Variants in DOCK3 observed in about 807,000 individuals in gnomAD.
The protein encoded by DOCK3 is dedicator of cytokinesis 3, also known as dedicator of cytokinesis protein 3.
DOCK3 carries 60 observed loss-of-function variants against 265.6 expected under a neutral mutation model. The ratio of observed to expected loss-of-function variants is 0.23; its 90% CI spans 0.18 to 0.28. DOCK3 has a LOEUF of 0.28. DOCK3 is among the 10% of genes least tolerant of loss of function. The pLI, the probability that DOCK3 is intolerant of heterozygous loss-of-function variation, is 1.00. For synonymous variants in DOCK3, 881 were observed against 938.0 expected, an observed-to-expected ratio of 0.94 and a Z score of 1.11; for missense variants, 1,981 against 2,594.3, an observed-to-expected ratio of 0.76 and a Z score of 5.14.
chr3:50,782,624 C>A (rs1273837940), intron 2 of DOCK3, among the ~76,000 whole-genome samples: 1 of 148,092 alleles, frequency 6.8e-6, no homozygotes, highest in Non-Finnish European at 1.5e-5. Flanking sequence ...AAAAAAAATT[C>A]TTTTCAAAAT....
chr3:51,379,983 G>A, intron 51 of DOCK3, 142 bp from the exon 52 acceptor site: 3 of 636,714 alleles, frequency 4.7e-6, no homozygotes, highest in South Asian at 2.5e-5. Context: ...CCAGTGTAAA[G>A]AGAGGTTTAT....
At chr3:50,708,144 G>A (rs1462231134) in intron 1 of DOCK3, among the ~76,000 whole-genome samples, 1 of 152,174 alleles carries the variant, frequency 6.6e-6, no homozygotes, top group African/African-American at 2.4e-5. Flanking sequence ...CATGCAGGTG[G>A]TGGTGGGCTA....
chr3:51,011,212 T>G (rs1241079871), intron 5 of DOCK3, among the ~76,000 whole-genome samples: 1 of 152,196 alleles, frequency 6.6e-6, no homozygotes, highest in Non-Finnish European at 1.5e-5. Context: ...TCCTGCAGAG[T>G]GTTTTCCAAC....
intron 4 of DOCK3, among the ~76,000 whole-genome samples, chr3:50,898,799 G>C (rs2049028633): frequency 6.6e-6 from 1 of 152,138 alleles, no homozygotes; most frequent in African/African-American, 2.4e-5. Context: ...TTGATTATGA[G>C]TTTCTCAATC....
intron 9 of DOCK3, among the ~76,000 whole-genome samples, chr3:51,113,541 C>T (rs1453324386): frequency 6.6e-6 from 1 of 152,192 alleles, no homozygotes; most frequent in Non-Finnish European, 1.5e-5. Context: ...TCCACCCTGA[C>T]TCCAGAGCTG....
At chr3:50,874,381 T>C (rs893983158) in intron 3 of DOCK3, among the ~76,000 whole-genome samples, 2 of 151,916 alleles carry the variant, frequency 1.3e-5, no homozygotes, top group South Asian at 2.1e-4. Context: ...GTGGGTGTAT[T>C]TGTAGTCCCA....
chr3:51,176,027 C>G (rs2086928707), intron 12 of DOCK3, among the ~76,000 whole-genome samples: 1 of 152,182 alleles, frequency 6.6e-6, no homozygotes, highest in African/African-American at 2.4e-5. Context: ...TAGAACTGCT[C>G]TATTTTGACT....
chr3:51,054,339 A>G (rs1001943968), intron 5 of DOCK3, among the ~76,000 whole-genome samples: 1 of 152,070 alleles, frequency 6.6e-6, no homozygotes, highest in Non-Finnish European at 1.5e-5. Context: ...TCTTGTCCCA[A>G]TGCCCTTCTA....
chr3:51,151,381 G>C (rs565435174), intron 10 of DOCK3, among the ~76,000 whole-genome samples: 2 of 152,204 alleles, frequency 1.3e-5, no homozygotes, highest in Admixed American at 1.3e-4. Context: ...CAAACAGAAA[G>C]GAAGAGCATC....
intron 3 of DOCK3, among the ~76,000 whole-genome samples, chr3:50,889,198 G>A (rs2048517055): frequency 6.6e-6 from 1 of 151,496 alleles, no homozygotes; most frequent in East Asian, 1.9e-4. Context: ...CTGGGCTCAA[G>A]TCATCCTCCC....
intron 10 of DOCK3, among the ~76,000 whole-genome samples, chr3:51,151,849 T>C (rs2085615745): frequency 6.6e-6 from 1 of 152,238 alleles, no homozygotes; most frequent in Non-Finnish European, 1.5e-5. Flanking sequence ...TTATAGAGTT[T>C]CTGCCAATAG....
intron 5 of DOCK3, among the ~76,000 whole-genome samples, chr3:51,023,450 C>T (rs528171385): frequency 1.3e-5 from 2 of 152,272 alleles, no homozygotes; most frequent in African/African-American, 2.4e-5. Flanking sequence ...CAGAGTCTCG[C>T]TCTGTTGTGC....
intron 40 of DOCK3, among the ~76,000 whole-genome samples, chr3:51,354,123 A>G (rs1019595181): frequency 1.3e-5 from 2 of 152,222 alleles, no homozygotes; most frequent in African/African-American, 2.4e-5. Flanking sequence ...TACTAATGCA[A>G]TAAACAGTTA....
At chr3:50,900,795 T>C (rs2107809211) in intron 4 of DOCK3, 1 of 427,560 alleles carries the variant, frequency 2.3e-6, no homozygotes, top group South Asian at 1.7e-5. Flanking sequence ...CCTGTTTGCC[T>C]GGGTATCACC....
At chr3:51,186,852 C>A (rs964803181) in intron 12 of DOCK3, among the ~76,000 whole-genome samples, 16 of 152,238 alleles carry the variant, frequency 1.1e-4, no homozygotes, top group Admixed American at 9.2e-4. Context: ...TTGGGAACCT[C>A]CACCTGGATT....
intron 12 of DOCK3, among the ~76,000 whole-genome samples, chr3:51,171,387 A>C (rs1414102739): frequency 6.6e-6 from 1 of 152,062 alleles, no homozygotes; most frequent in Non-Finnish European, 1.5e-5. Flanking sequence ...GGTCAGAAAA[A>C]ATAGTTGAGA....
chr3:50,804,192 A>G (rs2043257039), intron 2 of DOCK3, among the ~76,000 whole-genome samples: 1 of 147,780 alleles, frequency 6.8e-6, no homozygotes, highest in African/African-American at 2.5e-5. Context: ...GCGGCCGGGC[A>G]GAGACGCTCC....
chr3:51,316,198 C>G (rs1255414407), intron 32 of DOCK3, among the ~76,000 whole-genome samples: 2 of 152,188 alleles, frequency 1.3e-5, no homozygotes, highest in African/African-American at 4.8e-5. Flanking sequence ...CTCTTCATCA[C>G]TATAGTTGTG....
At chr3:51,214,885 G>C (rs147897528) in intron 14 of DOCK3, among the ~76,000 whole-genome samples, 1 of 152,102 alleles carries the variant, frequency 6.6e-6, no homozygotes, top group Non-Finnish European at 1.5e-5. Flanking sequence ...TCAGGTTCTT[G>C]TTTTCTAATT....
Sources: gnomAD v4.1 joint callset for allele counts (sites outside exome capture counted in the v4.1 genomes callset) on GRCh38, gnomAD v4.1.1 for gene constraint, MANE v1.5 for transcripts, NCBI Gene and HGNC (gene_info 2026-07-23, HGNC 2026-07-21) for gene names.